Variants in CSMD1 observed in about 807,000 individuals in gnomAD.
CSMD1 encodes the protein CUB and sushi domain-containing protein 1.
Under a neutral mutation model 417.5 loss-of-function variants are expected in CSMD1, and 213 were observed. That is an observed-to-expected ratio of 0.51 (90% CI 0.46 to 0.57). The LOEUF (loss-of-function observed/expected upper bound fraction) is 0.57, where lower values mean the gene tolerates loss of function less well. Among genes scored for constraint, CSMD1 ranks in the 20% least tolerant of loss-of-function variants. CSMD1 has a pLI of 0.00. For missense variants in CSMD1, 6,923 were observed against 4,529.7 expected (o/e 1.53, Z -15.17); for synonymous variants, 2,862 against 1,736.8 (o/e 1.65, Z -16.11).
intron 26 of CSMD1, among the ~76,000 whole-genome samples, chr8:3,260,106 A>G (rs1800946019): frequency 6.6e-6 from 1 of 152,188 alleles, no homozygotes; most frequent in Admixed American, 6.5e-5. Flanking sequence ...TTTTCTTTGC[A>G]TGTATATGGC....
At chr8:3,378,097 G>A (rs1202683339) in intron 18 of CSMD1, among the ~76,000 whole-genome samples, 3 of 152,270 alleles carry the variant, frequency 2.0e-5, no homozygotes, top group East Asian at 3.9e-4. Flanking sequence ...AATATTGGAT[G>A]TGTTTGATTG....
At chr8:4,343,271 G>C (rs578045426) in intron 3 of CSMD1, among the ~76,000 whole-genome samples, 1 of 152,036 alleles carries the variant, frequency 6.6e-6, no homozygotes, top group South Asian at 2.1e-4. Flanking sequence ...CAGTGGTTGT[G>C]GGGAAGTGAA....
chr8:2,985,286 C>T (rs542611127), intron 54 of CSMD1, among the ~76,000 whole-genome samples: 23 of 152,318 alleles, frequency 1.5e-4, no homozygotes, highest in African/African-American at 1.9e-4. Context: ...TTCAGGAACA[C>T]GCAAAACACA....
intron 2 of CSMD1, among the ~76,000 whole-genome samples, chr8:4,446,759 G>GTGTGTGTGTGTC (rs1201951063): frequency 2.1e-4 from 10 of 47,080 alleles, no homozygotes; most frequent in African/African-American, 1.0e-3. Context: ...GTGTGTCTGT[G>GTGTGTGTGTGTC]TGTGTGTGTG....
intron 1 of CSMD1, among the ~76,000 whole-genome samples, chr8:4,679,768 A>C (rs1805921834): frequency 6.6e-6 from 1 of 152,194 alleles, no homozygotes; most frequent in African/African-American, 2.4e-5. Flanking sequence ...ATGAAGCTTT[A>C]TGCTAAGTAA....
intron 2 of CSMD1, among the ~76,000 whole-genome samples, chr8:4,457,210 G>A (rs1300111557): frequency 1.3e-5 from 2 of 152,212 alleles, no homozygotes; most frequent in East Asian, 1.9e-4. Context: ...CATGTGGAGG[G>A]AAGGGGGGAA....
intron 17 of CSMD1, 37 bp from the exon 18 acceptor site, chr8:3,387,719 T>C (rs766205892): frequency 1.7e-5 from 26 of 1,525,302 alleles, no homozygotes; most frequent in Non-Finnish European, 2.7e-6. Context: ...ATGAGGATCT[T>C]TCTGGTTGAT....
chr8:4,845,968 G>A (rs76921689), intron 1 of CSMD1, among the ~76,000 whole-genome samples: 11,200 of 152,172 alleles, frequency 0.074, 456 homozygotes, highest in Middle Eastern at 0.11. Flanking sequence ...ATAGAGAATC[G>A]GCTATAAATT....
At chr8:3,847,575 G>A (rs954493955) in intron 5 of CSMD1, among the ~76,000 whole-genome samples, 3 of 152,050 alleles carry the variant, frequency 2.0e-5, no homozygotes, top group Non-Finnish European at 4.4e-5. Flanking sequence ...GCTTCTTGAG[G>A]CCCTGAGAGA....
chr8:4,802,301 G>A (rs911559596), intron 1 of CSMD1, among the ~76,000 whole-genome samples: 2 of 151,952 alleles, frequency 1.3e-5, no homozygotes, highest in Non-Finnish European at 2.9e-5. Flanking sequence ...GGCTCATCTT[G>A]ACCTATGACT....
intron 3 of CSMD1, among the ~76,000 whole-genome samples, chr8:4,172,354 A>G (rs747462185): frequency 3.3e-5 from 5 of 152,102 alleles, no homozygotes; most frequent in African/African-American, 4.8e-5. Flanking sequence ...ATAAAGTTTA[A>G]ATTGGATTAC....
chr8:3,668,575 G>T (rs7822379), intron 7 of CSMD1, among the ~76,000 whole-genome samples: 8 of 152,054 alleles, frequency 5.3e-5, no homozygotes. Context: ...GATCAAGCCT[G>T]GTCCTTACTA....
At chr8:3,879,660 C>T (rs1389766101) in intron 5 of CSMD1, among the ~76,000 whole-genome samples, 1 of 152,082 alleles carries the variant, frequency 6.6e-6, no homozygotes, top group Non-Finnish European at 1.5e-5. Context: ...TCTGTGTAGA[C>T]ACCAATATTT....
At chr8:4,306,075 G>T (rs942713502) in intron 3 of CSMD1, among the ~76,000 whole-genome samples, 17 of 152,150 alleles carry the variant, frequency 1.1e-4, no homozygotes, top group South Asian at 8.3e-4. Context: ...ATTTATGATT[G>T]TGAGAAATGT....
intron 26 of CSMD1, among the ~76,000 whole-genome samples, chr8:3,261,381 C>G (rs748955322): frequency 6.6e-6 from 1 of 152,112 alleles, no homozygotes; most frequent in Non-Finnish European, 1.5e-5. Flanking sequence ...AACTTACGTT[C>G]CCATGATAAA....
intron 4 of CSMD1, among the ~76,000 whole-genome samples, chr8:4,031,011 C>T (rs554088763): frequency 6.6e-6 from 1 of 152,194 alleles, no homozygotes; most frequent in South Asian, 2.1e-4. Flanking sequence ...CCGAGACCAC[C>T]TCAGCCAGGA....
chr8:4,470,033 A>G (rs1276150695), intron 2 of CSMD1, among the ~76,000 whole-genome samples: 4 of 151,482 alleles, frequency 2.6e-5, no homozygotes, highest in Non-Finnish European at 5.9e-5. Flanking sequence ...ATGCCCGGCT[A>G]ATTTCTTTTT....
intron 2 of CSMD1, among the ~76,000 whole-genome samples, chr8:4,469,055 A>G (rs929544829): frequency 3.9e-5 from 6 of 152,346 alleles, no homozygotes; most frequent in African/African-American, 9.6e-5. Flanking sequence ...TGAAATTTTA[A>G]TAACAAGAGC....
intron 38 of CSMD1, among the ~76,000 whole-genome samples, chr8:3,158,326 A>G (rs1819662757): frequency 6.6e-6 from 1 of 152,080 alleles, no homozygotes; most frequent in African/African-American, 2.4e-5. Flanking sequence ...TAAGAAGCTG[A>G]AAACAATTAG....
Sources: gnomAD v4.1 joint callset for allele counts (sites outside exome capture counted in the v4.1 genomes callset) on GRCh38, gnomAD v4.1.1 for gene constraint, MANE v1.5 for transcripts, NCBI Gene and HGNC (gene_info 2026-07-23, HGNC 2026-07-21) for gene names.